The following GOSR2 variants were observed in gnomAD, a reference collection of about 807,000 sequenced individuals.
The protein encoded by GOSR2 is 27 kDa Golgi SNARE protein.
A neutral mutation model predicts 27.9 loss-of-function variants in GOSR2; 20 were observed. The ratio of observed to expected loss-of-function variants is 0.72; its 90% CI spans 0.50 to 1.04. GOSR2 has a LOEUF of 1.04. Ranked by LOEUF, GOSR2 falls within the 50% of genes least tolerant of loss-of-function variation. The probability of loss-of-function intolerance (pLI) is 0.00; values close to 1 mark genes in which losing one functional copy is unlikely to be tolerated. For missense variants in GOSR2, 261 were observed against 270.5 expected (o/e 0.97, Z 0.25); for synonymous variants, 91 against 98.8 (o/e 0.92, Z 0.47).
intron 6 of GOSR2, chr17:46,972,941 C>T (rs534793273): frequency 4.2e-4 from 65 of 153,916 alleles, no homozygotes; most frequent in South Asian, 8.2e-4. Flanking sequence ...AGGTCTTGTA[C>T]GTCAAGTTTA....
intron 3 of GOSR2, 134 bp from the exon 4 acceptor site, chr17:46,931,933 G>T: frequency 1.3e-6 from 1 of 782,310 alleles, no homozygotes; most frequent in Non-Finnish European, 2.3e-6. Flanking sequence ...TAGATCTTGT[G>T]GTGAGGGGGT....
chr17:46,940,134 C>T lies in GOSR2; in HGVS notation c.*1374C>T. On this transcript the variant is annotated 3_prime_UTR_variant, in exon 6 of 6. Coordinates refer to ENST00000640051, the MANE Select transcript of GOSR2 (RefSeq NM_004287.5). ...CCTCTTCACCTCTCTTGTTCCCCTC[C>T]CCGCTGCTCTGTAGTCATGTTGGTC... The T allele has an allele frequency of 8.0e-7, 1 of 1,253,180 alleles. No homozygotes were observed. The highest frequency in any genetic ancestry group is 1.0e-6 in the Non-Finnish European group (1 of 992,992). The allele number at this position is 1,253,180 out of a possible 1,614,324, so 77.6% of individuals were successfully genotyped here.
downstream of GOSR2, among the ~76,000 whole-genome samples, chr17:46,969,319 T>G (rs1449163984): frequency 6.6e-6 from 1 of 152,188 alleles, no homozygotes; most frequent in African/African-American, 2.4e-5. Flanking sequence ...GGGGGGCCAC[T>G]GAGAGCCGGG....
chr17:46,949,742 A>G (rs375311723), intron 6 of GOSR2, among the ~76,000 whole-genome samples: 9 of 152,348 alleles, frequency 5.9e-5, no homozygotes, highest in African/African-American at 1.7e-4. Context: ...GCTGAATCTC[A>G]GATGAGTCAG....
intron 5 of GOSR2, chr17:46,937,664 T>C (rs1398171894): frequency 6.6e-6 from 1 of 152,232 alleles, no homozygotes; most frequent in Non-Finnish European, 1.5e-5. Context: ...GTTATTGAAC[T>C]TCATATAAAG....
At chr17:46,957,442 A>G (rs1452024448) in intron 6 of GOSR2, among the ~76,000 whole-genome samples, 1 of 152,106 alleles carries the variant, frequency 6.6e-6, no homozygotes, top group Non-Finnish European at 1.5e-5. Flanking sequence ...GTGAAACCCC[A>G]TCTCTACTAA....
intron 6 of GOSR2, among the ~76,000 whole-genome samples, chr17:46,960,319 A>G (rs1283308914): frequency 6.6e-6 from 1 of 152,372 alleles, no homozygotes; most frequent in South Asian, 2.1e-4. Flanking sequence ...CTTGGCATAC[A>G]TACAAACAAA....
chr17:46,947,247 C>G (rs1038630641), intron 6 of GOSR2, among the ~76,000 whole-genome samples: 1 of 152,170 alleles, frequency 6.6e-6, no homozygotes, highest in South Asian at 2.1e-4. Context: ...GCTCAGGAAG[C>G]AGGGCAGCCT....
chr17:46,963,709 T>C (rs1025894216), intron 6 of GOSR2: 1 of 152,230 alleles, frequency 6.6e-6, no homozygotes, highest in Non-Finnish European at 1.5e-5. Flanking sequence ...AAAGAACATA[T>C]GTTCTTGACA....
In GOSR2 at chr17:46,923,175, G is replaced by A; in HGVS notation, c.-18G>A. On this transcript the variant is annotated 5_prime_UTR_variant, in exon 1 of 6. Coordinates refer to ENST00000640051, the MANE Select transcript of GOSR2 (RefSeq NM_004287.5). ...CGAGGAAGCCAGAGCCGGAGCCGTG[G>A]CCTGCGGGGCCGGCGACATGGATCC... is the stretch of plus-strand genomic sequence containing the variant. 1.3e-6 allele frequency: 2 copies of A among 1,515,234 alleles called. No individual in the cohort carries two copies. Among genetic ancestry groups the A allele is most frequent in the East Asian group, 2.5e-5 (1 of 40,744 alleles). 93.9% of individuals were successfully genotyped at this position (1,515,234 alleles called of 1,614,324 possible).
chr17:46,965,035 C>T (rs908144766), intron 6 of GOSR2: 2 of 152,204 alleles, frequency 1.3e-5, no homozygotes, highest in Non-Finnish European at 2.9e-5. Flanking sequence ...GTTTTTCACC[C>T]TCCGGTAAGT....
intron 1 of GOSR2, among the ~76,000 whole-genome samples, chr17:46,924,835 C>T (rs2086248033): frequency 6.6e-6 from 1 of 152,138 alleles, no homozygotes; most frequent in South Asian, 2.1e-4. Flanking sequence ...CTATCTTTCA[C>T]AATAGCAGGG....
chr17:46,959,898 A>G (rs954615469), intron 6 of GOSR2, among the ~76,000 whole-genome samples: 2 of 152,166 alleles, frequency 1.3e-5, no homozygotes, highest in Non-Finnish European at 2.9e-5. Context: ...TTCATGAGAG[A>G]GCTCCTCTAA....
chr17:46,923,356 C>T, intron 1 of GOSR2, 135 bp downstream of exon 1: 4 of 1,506,638 alleles, frequency 2.7e-6, no homozygotes, highest in Non-Finnish European at 3.5e-6. Context: ...GGGGATGCCT[C>T]CGAAGTGCTT....
chr17:46,968,048 C>G (rs573566359), downstream of GOSR2, among the ~76,000 whole-genome samples: 1 of 152,192 alleles, frequency 6.6e-6, no homozygotes, highest in East Asian at 1.9e-4. Context: ...GGAAGAGGAC[C>G]AGCCTGGGAT....
intron 4 of GOSR2, 110 bp from the exon 5 acceptor site, chr17:46,934,919 A>C (rs1599017930): frequency 1.0e-6 from 1 of 964,054 alleles, no homozygotes; most frequent in African/African-American, 1.6e-5. Flanking sequence ...TGATTCTTTC[A>C]CCAGCCCCTC....
At chr17:46,957,432 G>C (rs1487156792) in intron 6 of GOSR2, among the ~76,000 whole-genome samples, 1 of 152,172 alleles carries the variant, frequency 6.6e-6, no homozygotes. Context: ...GGCCAACATG[G>C]TGAAACCCCA....
At chr17:46,943,655 C>T (rs556631373), downstream of GOSR2, among the ~76,000 whole-genome samples, 27 of 152,182 alleles carry the variant, frequency 1.8e-4, no homozygotes, top group Admixed American at 4.6e-4. Flanking sequence ...CAGGAGAGCA[C>T]TTGAGCCCAT....
rs78945610 is a variant in GOSR2 at position 46,935,780 on chromosome 17, C to T, written c.477+611C>T. The T allele has an allele frequency of 8.1e-4, 798 of 986,334 alleles. 10 individuals are homozygous for T. In the African/African-American group the frequency reaches 0.013, roughly 16 times the overall value. 61.1% of individuals were successfully genotyped at this position (986,334 alleles called of 1,614,324 possible). A position where few individuals can be genotyped will look rare whatever the true frequency, so the allele number is the denominator to read the frequency against. ...AGTTGGCACTGCTGAGACTCCAGCC[C>T]CTGGGAGTGGTTTACAGAAACATTA... On this transcript the variant is annotated intron_variant, in intron 5 of 5. Coordinates refer to ENST00000640051, the MANE Select transcript of GOSR2 (RefSeq NM_004287.5).
Sources: gnomAD v4.1 joint callset for allele counts (sites outside exome capture counted in the v4.1 genomes callset) on GRCh38, gnomAD v4.1.1 for gene constraint, MANE v1.5 for transcripts, NCBI Gene and HGNC (gene_info 2026-07-23, HGNC 2026-07-21) for gene names.